The following CLSTN2 variants were observed in gnomAD, a reference collection of about 807,000 sequenced individuals.
CLSTN2 encodes calsyntenin-2.
In CLSTN2, 48 loss-of-function variants were observed where a neutral mutation model predicts 101.2. The observed-to-expected ratio is 0.47, with a 90% CI of 0.38 to 0.60. CLSTN2 has a LOEUF of 0.60. Ranked by LOEUF, CLSTN2 falls within the 20% of genes least tolerant of loss-of-function variation. The pLI is 0.00. For synonymous variants in CLSTN2, 481 were observed against 463.6 expected, an observed-to-expected ratio of 1.04 and a Z score of -0.48; for missense variants, 1,160 against 1,238.2, an observed-to-expected ratio of 0.94 and a Z score of 0.95.
chr3:140,445,550 T>C (rs1208530066), intron 5 of CLSTN2, among the ~76,000 whole-genome samples: 4 of 152,122 alleles, frequency 2.6e-5, no homozygotes, highest in Admixed American at 1.3e-4. Context: ...AACTGCTTTC[T>C]CCATTTTCAA....
intron 5 of CLSTN2, among the ~76,000 whole-genome samples, chr3:140,446,390 A>G (rs985871341): frequency 3.3e-5 from 5 of 152,154 alleles, no homozygotes; most frequent in African/African-American, 9.7e-5. Context: ...CACATCCGTA[A>G]TGTGCACCCT....
chr3:140,038,433 T>C (rs2007700223), intron 1 of CLSTN2, among the ~76,000 whole-genome samples: 1 of 152,188 alleles, frequency 6.6e-6, no homozygotes. Context: ...TTGTAGACTC[T>C]GGATATTAGA....
At position 140,233,988 on chromosome 3, in the gene CLSTN2, G is replaced by A. The variant is rs191591919; in HGVS notation, c.232+57915G>A. On this transcript the variant is annotated intron_variant, in intron 2 of 16. Coordinates refer to ENST00000458420, the MANE Select transcript of CLSTN2 (RefSeq NM_022131.3). ...GTGGCAGAGTTAAGTAGTCATGACA[G>A]AAACCATATGGCTTGCAAAGCTTAA... Among the ~76,000 whole-genome samples, 1,403 of 152,282 alleles carry A rather than the reference G, an allele frequency of 9.2e-3. 27 individuals are homozygous for A. The highest frequency in any genetic ancestry group is 0.032 in the African/African-American group (1,334 of 41,544).
At chr3:140,334,441 ATTAC>A (rs2087421143) in intron 2 of CLSTN2, among the ~76,000 whole-genome samples, 1 of 152,186 alleles carries the variant, frequency 6.6e-6, no homozygotes, top group Admixed American at 6.5e-5. Flanking sequence ...TCTGCTCTGT[ATTAC>A]TAGTACATTT....
intron 8 of CLSTN2, among the ~76,000 whole-genome samples, chr3:140,491,135 G>T (rs1292376519): frequency 6.6e-6 from 1 of 152,168 alleles, no homozygotes; most frequent in East Asian, 1.9e-4. Flanking sequence ...ACCAAATCAA[G>T]TGTTAATTTG....
At chr3:140,279,544 G>C (rs2086826249) in intron 2 of CLSTN2, among the ~76,000 whole-genome samples, 2 of 152,230 alleles carry the variant, frequency 1.3e-5, no homozygotes, top group South Asian at 4.1e-4. Flanking sequence ...GCTCTGCCAA[G>C]TGACCAGTCT....
intron 1 of CLSTN2, among the ~76,000 whole-genome samples, chr3:140,156,308 C>T (rs1303967372): frequency 6.6e-6 from 1 of 152,208 alleles, no homozygotes; most frequent in East Asian, 1.9e-4. Flanking sequence ...TTACAATTTA[C>T]TCTAAATCAA....
chr3:139,952,230 C>G (rs1046754285), intron 1 of CLSTN2, among the ~76,000 whole-genome samples: 3 of 152,144 alleles, frequency 2.0e-5, no homozygotes, highest in East Asian at 1.9e-4. Flanking sequence ...ATGAGAAGAC[C>G]TGGTTGACAT....
At position 140,537,736 on chromosome 3, in the gene CLSTN2, G is replaced by C. The variant is rs1321630645; in HGVS notation, c.1507+5250G>C. Among the ~76,000 whole-genome samples, 4 of 152,138 alleles carry C rather than the reference G, an allele frequency of 2.6e-5. No individual in the cohort carries two copies. The East Asian group carries it at 7.7e-4, about 29-fold the overall frequency. On this transcript the variant is annotated intron_variant, in intron 9 of 16. Transcript: ENST00000458420. ...CTAAATTAATTTGTCCTTTTCCTTA[G>C]ATTTCCTACTTATCCCATTTATAAG...
At chr3:140,210,068 C>T (rs1331199365) in intron 2 of CLSTN2, among the ~76,000 whole-genome samples, 5 of 152,248 alleles carry the variant, frequency 3.3e-5, no homozygotes, top group African/African-American at 1.2e-4. Flanking sequence ...TTCATTCTAT[C>T]ATTCCATGAC....
At chr3:139,952,254 T>G (rs149258840) in intron 1 of CLSTN2, among the ~76,000 whole-genome samples, 137 of 152,290 alleles carry the variant, frequency 9.0e-4, no homozygotes, top group African/African-American at 2.9e-3. Context: ...GATTCTAAAA[T>G]CAACACCATT....
chr3:140,090,521 C>T (rs909416209), intron 1 of CLSTN2, among the ~76,000 whole-genome samples: 1 of 151,982 alleles, frequency 6.6e-6, no homozygotes, highest in Non-Finnish European at 1.5e-5. Context: ...AATGGATGGC[C>T]AAATGCAGGT....
At chr3:140,296,486 A>G (rs964688053) in intron 2 of CLSTN2, among the ~76,000 whole-genome samples, 1 of 152,234 alleles carries the variant, frequency 6.6e-6, no homozygotes, top group Non-Finnish European at 1.5e-5. Context: ...TTTGATTACT[A>G]GTAAGGCAGA....
intron 2 of CLSTN2, among the ~76,000 whole-genome samples, chr3:140,383,112 T>C (rs1012472290): frequency 6.6e-6 from 1 of 152,170 alleles, no homozygotes; most frequent in Non-Finnish European, 1.5e-5. Context: ...TCTGTGAGGA[T>C]AGTAAAATGA....
At chr3:139,998,534 C>T (rs926294888) in intron 1 of CLSTN2, among the ~76,000 whole-genome samples, 27 of 129,868 alleles carry the variant, frequency 2.1e-4, no homozygotes, top group Non-Finnish European at 4.0e-4. Flanking sequence ...TTAGTAGAGA[C>T]GGGGTTTCAC....
chr3:140,396,476 G>A (rs1486875935), intron 2 of CLSTN2, among the ~76,000 whole-genome samples: 2 of 152,166 alleles, frequency 1.3e-5, no homozygotes, highest in African/African-American at 4.8e-5. Context: ...ACAGGGAAGA[G>A]AGCTAACAAT....
intron 9 of CLSTN2, 56 bp from the exon 10 acceptor site, chr3:140,546,449 TGGTGCCTTGA>T: frequency 6.6e-7 from 1 of 1,524,966 alleles, no homozygotes; most frequent in Non-Finnish European, 8.9e-7. Context: ...CATGGCCAAG[TGGTGCCTTGA>T]GGTGCTGTTT....
At chr3:140,016,717 T>G (rs902852595) in intron 1 of CLSTN2, among the ~76,000 whole-genome samples, 3 of 145,916 alleles carry the variant, frequency 2.1e-5, no homozygotes, top group African/African-American at 7.6e-5. Flanking sequence ...GAGAATCGCT[T>G]GAACCTCAGA....
intron 2 of CLSTN2, among the ~76,000 whole-genome samples, chr3:140,262,641 G>A (rs149094978): frequency 1.8e-3 from 274 of 152,242 alleles, no homozygotes; most frequent in African/African-American, 6.5e-3. Flanking sequence ...AGGTGATGGT[G>A]CAATAAGAGA....
Sources: gnomAD v4.1 joint callset for allele counts (sites outside exome capture counted in the v4.1 genomes callset) on GRCh38, gnomAD v4.1.1 for gene constraint, MANE v1.5 for transcripts, NCBI Gene and HGNC (gene_info 2026-07-23, HGNC 2026-07-21) for gene names.